The following DAPL1 variants were observed in gnomAD, a reference collection of about 807,000 sequenced individuals.
DAPL1 encodes death associated protein like 1.
DAPL1 carries 17 observed loss-of-function variants against 12.9 expected under a neutral mutation model. The observed-to-expected ratio is 1.32, with a 90% CI of 0.90 to 1.98. The LOEUF (loss-of-function observed/expected upper bound fraction) is 1.98. DAPL1 is among the 30% of genes most tolerant of loss of function. The pLI is 0.00. For synonymous variants in DAPL1, 51 were observed against 42.0 expected (o/e 1.21, Z -0.82); for missense variants, 157 against 125.7 (o/e 1.25, Z -1.19).
At chr2:158,796,770 G>C (rs919722423) in intron 1 of DAPL1, among the ~76,000 whole-genome samples, 1 of 152,124 alleles carries the variant, frequency 6.6e-6, no homozygotes, top group African/African-American at 2.4e-5. Context: ...AAACCACCGG[G>C]AACTTTCTGT....
intron 3 of DAPL1, among the ~76,000 whole-genome samples, chr2:158,815,315 T>G (rs1323603834): frequency 6.6e-6 from 1 of 152,230 alleles, no homozygotes; most frequent in Non-Finnish European, 1.5e-5. Context: ...TTCTTTCTTT[T>G]GACAATTGAG....
intron 3 of DAPL1, among the ~76,000 whole-genome samples, chr2:158,815,072 T>C (rs951046957): frequency 3.3e-5 from 5 of 152,246 alleles, no homozygotes; most frequent in Non-Finnish European, 7.3e-5. Flanking sequence ...CCTGTGTTAA[T>C]AAGCCTATTT....
chr2:158,815,299 G>T (rs2059253986), intron 3 of DAPL1, among the ~76,000 whole-genome samples: 1 of 152,146 alleles, frequency 6.6e-6, no homozygotes, highest in Non-Finnish European at 1.5e-5. Context: ...TTCTTTCAGA[G>T]GTTCTTTCTT....
chr2:158,810,200 G>A (rs535508852), intron 3 of DAPL1, among the ~76,000 whole-genome samples: 53 of 152,150 alleles, frequency 3.5e-4, no homozygotes, highest in Non-Finnish European at 5.4e-4. Flanking sequence ...TATATGAATC[G>A]ATATATAAAA....
intron 3 of DAPL1, among the ~76,000 whole-genome samples, chr2:158,810,816 G>A (rs6716178): frequency 0.3 from 44,969 of 152,114 alleles, 7,932 homozygotes; most frequent in East Asian, 0.74. Flanking sequence ...AACAGGCTGT[G>A]TAGCCCAAAA....
At chr2:158,803,198 G>A (rs1575226199) in intron 1 of DAPL1, among the ~76,000 whole-genome samples, 1 of 152,174 alleles carries the variant, frequency 6.6e-6, no homozygotes, top group East Asian at 1.9e-4. Context: ...CAGTATCTTG[G>A]GAGATAATCT....
intron 1 of DAPL1, 48 bp downstream of exon 1, chr2:158,795,478 C>T (rs749144994): frequency 2.6e-6 from 4 of 1,532,630 alleles, no homozygotes; most frequent in South Asian, 2.4e-5. Context: ...CTGCTCCCCT[C>T]TTCCACCAAT....
chr2:158,797,352 G>A (rs764007900), intron 1 of DAPL1, among the ~76,000 whole-genome samples: 39 of 152,124 alleles, frequency 2.6e-4, no homozygotes, highest in Non-Finnish European at 5.1e-4. Flanking sequence ...ATGCAGGCCC[G>A]GTAGAACACA....
chr2:158,798,881 AC>A (rs1273597978), intron 1 of DAPL1, among the ~76,000 whole-genome samples: 2 of 152,018 alleles, frequency 1.3e-5, no homozygotes, highest in Non-Finnish European at 2.9e-5. Flanking sequence ...GTTTGCACAA[AC>A]CTTTGTGCCT....
At position 158,806,352 on chromosome 2, in the gene DAPL1, A is replaced by C. The variant is rs559994811; in HGVS notation, c.147-703A>C. Reference sequence around the variant, plus strand: ...CTGAGAGAAAGAAGCCAGATGCAAAAGAGTACAAGCTGTAGACGGTTCATT... The same window carrying C: ...CTGAGAGAAAGAAGCCAGATGCAAACGAGTACAAGCTGTAGACGGTTCATT... On this transcript the variant is annotated intron_variant, in intron 2 of 3. Transcript: ENST00000309950. 9.0e-5 allele frequency among the ~76,000 whole-genome samples: 11 copies of C among 122,600 alleles called. No individual in the cohort carries two copies. In the South Asian group the frequency reaches 2.4e-3, roughly 27 times the overall value. 80.4% of individuals were successfully genotyped at this position (122,600 alleles called of 152,430 possible).
chr2:158,814,147 C>G (rs1344836153), intron 3 of DAPL1, among the ~76,000 whole-genome samples: 1 of 152,208 alleles, frequency 6.6e-6, no homozygotes, highest in Non-Finnish European at 1.5e-5. Flanking sequence ...GACACACAGT[C>G]TGGAAGTAAA....
intron 1 of DAPL1, among the ~76,000 whole-genome samples, chr2:158,802,271 G>T (rs1253021922): frequency 3.3e-5 from 5 of 152,166 alleles, no homozygotes; most frequent in Non-Finnish European, 7.3e-5. Context: ...TCCCCAACAG[G>T]TATGCTTGTA....
intron 3 of DAPL1, 45 bp downstream of exon 3, chr2:158,807,160 A>G: frequency 1.3e-6 from 2 of 1,514,618 alleles, no homozygotes; most frequent in Non-Finnish European, 1.8e-6. Context: ...CAATCTGCCC[A>G]GTGGATCCAG....
At chr2:158,806,828 CTG>C (rs768100951) in intron 2 of DAPL1, among the ~76,000 whole-genome samples, 34 of 140,786 alleles carry the variant, frequency 2.4e-4, no homozygotes, top group Non-Finnish European at 5.0e-4. Flanking sequence ...AAGAGCGAAA[CTG>C]TGTCTCAGAA....
Position 158,815,948 on chromosome 2 carries a change from C to T in DAPL1, c.*127C>T. On this transcript the variant is annotated 3_prime_UTR_variant, in exon 4 of 4. Transcript: ENST00000309950. The stretch of plus-strand genomic sequence containing the variant: ...AAATTAAGCAGCTTTTGTATCTTCC[C>T]CTTTGACTTTAGGTAATAAAGCATC... 1.5e-6 allele frequency: 1 copy of T among 684,354 alleles called. No homozygotes were observed. Among genetic ancestry groups the T allele is most frequent in the South Asian group, 1.8e-5 (1 of 57,012 alleles). 42.4% of individuals were successfully genotyped at this position (684,354 alleles called of 1,614,324 possible).
intron 1 of DAPL1, 114 bp downstream of exon 1, chr2:158,795,544 T>C: frequency 1.0e-6 from 1 of 977,244 alleles, no homozygotes; most frequent in Non-Finnish European, 1.6e-6. Flanking sequence ...CAGTATGACT[T>C]TAACTCCATG....
intron 1 of DAPL1, among the ~76,000 whole-genome samples, chr2:158,797,625 C>T (rs1243004273): frequency 6.6e-6 from 1 of 152,066 alleles, no homozygotes; most frequent in Non-Finnish European, 1.5e-5. Context: ...AACTCCATCT[C>T]TATTAAAAAT....
At chr2:158,798,694 C>T (rs573507109) in intron 1 of DAPL1, among the ~76,000 whole-genome samples, 2 of 152,216 alleles carry the variant, frequency 1.3e-5, no homozygotes, top group East Asian at 3.9e-4. Context: ...TCAAAGCCCT[C>T]TTACTCTAAA....
chr2:158,810,366 C>T lies in DAPL1; in HGVS notation c.207+3251C>T, dbSNP rs16843359. Among the ~76,000 whole-genome samples, 527 of 152,266 alleles carry T rather than the reference C, an allele frequency of 3.5e-3. 2 individuals are homozygous for T. The highest frequency in any genetic ancestry group is 0.012 in the African/African-American group (502 of 41,554). On this transcript the variant is annotated intron_variant, in intron 3 of 3. Coordinates refer to ENST00000309950, the MANE Select transcript of DAPL1 (RefSeq NM_001017920.3). ...CACATCCTCTGCATTTATTAACATGCATTCATGCCCTCAGTTACACTCATG... is the reference window on the plus strand; with the variant it reads ...CACATCCTCTGCATTTATTAACATGTATTCATGCCCTCAGTTACACTCATG...
Sources: allele counts gnomAD v4.1 joint callset (sites outside exome capture counted in the v4.1 genomes callset), GRCh38; gene constraint gnomAD v4.1.1; transcripts MANE v1.5; gene names NCBI Gene and HGNC (gene_info 2026-07-23, HGNC 2026-07-21).